Variants in GALNT16 observed in about 807,000 individuals in gnomAD.
GALNT16 encodes polypeptide N-acetylgalactosaminyltransferase 16.
Under a neutral mutation model 76.1 loss-of-function variants are expected in GALNT16, and 40 were observed. The ratio of observed to expected loss-of-function variants is 0.53; its 90% CI spans 0.41 to 0.68. GALNT16 has a LOEUF of 0.68. Among genes scored for constraint, GALNT16 ranks in the 30% least tolerant of loss-of-function variants. The pLI is 0.00. For synonymous variants in GALNT16, 276 were observed against 285.2 expected (o/e 0.97, Z 0.32); for missense variants, 621 against 731.9 (o/e 0.85, Z 1.75).
chr14:69,351,870 C>G, intron 14 of GALNT16, 161 bp from the exon 15 acceptor site: 1 of 633,110 alleles, frequency 1.6e-6, no homozygotes, highest in South Asian at 2.1e-5. Flanking sequence ...TGTGGTAGCA[C>G]CACTGTAAGA....
chr14:69,344,310 T>G (rs1233082028), intron 12 of GALNT16, among the ~76,000 whole-genome samples: 31 of 152,252 alleles, frequency 2.0e-4, no homozygotes, highest in Admixed American at 2.0e-3. Context: ...ACACCATGTT[T>G]GTGAGGGTGC....
At chr14:69,379,965 A>G in the GALNT16 span, among the ~76,000 whole-genome samples, 1 of 124,248 alleles carries the variant, frequency 8.0e-6, no homozygotes, top group Non-Finnish European at 1.7e-5. Context: ...AAAGTGAGGT[A>G]AAAGTGTTAT....
chr14:69,304,073 G>T (rs1404521392), intron 1 of GALNT16, among the ~76,000 whole-genome samples: 1 of 151,992 alleles, frequency 6.6e-6, no homozygotes, highest in East Asian at 1.9e-4. Flanking sequence ...TGGGGGTGGG[G>T]GTGAGGGATC....
intron 1 of GALNT16, among the ~76,000 whole-genome samples, chr14:69,318,857 TGG>T (rs1474917511): frequency 1.3e-5 from 2 of 152,164 alleles, no homozygotes; most frequent in Non-Finnish European, 2.9e-5. Context: ...CTCTCCCAGG[TGG>T]GAAGGACAAA....
At chr14:69,280,310 G>A (rs2044523573) in intron 1 of GALNT16, among the ~76,000 whole-genome samples, 2 of 152,276 alleles carry the variant, frequency 1.3e-5, no homozygotes, top group South Asian at 2.1e-4. Context: ...CTTTTGTGAT[G>A]GCTCATTTCA....
the GALNT16 span, among the ~76,000 whole-genome samples, chr14:69,367,859 G>A: frequency 1.3e-5 from 2 of 152,044 alleles, no homozygotes; most frequent in African/African-American, 4.8e-5. Flanking sequence ...CAGGCATGGT[G>A]CTGCACAGCT....
intron 1 of GALNT16, among the ~76,000 whole-genome samples, chr14:69,263,895 A>C (rs2044307624): frequency 6.6e-6 from 1 of 152,226 alleles, no homozygotes; most frequent in Non-Finnish European, 1.5e-5. Flanking sequence ...GCTGTACCCG[A>C]TGCAGCGAGG....
Position 69,351,965 on chromosome 14 carries a change from TACA to T in GALNT16, c.1540-62_1540-60del, listed in dbSNP as rs555828674. The T allele has an allele frequency of 3.2e-4, 471 of 1,460,836 alleles. 2 individuals carry two copies. In the African/African-American group the frequency reaches 5.9e-3, roughly 18 times the overall value. The allele number at this position is 1,460,836 out of a possible 1,614,324, so 90.5% of individuals were successfully genotyped here. On this transcript the variant is annotated intron_variant, in intron 14 of 14. Coordinates refer to ENST00000448469, the MANE Select transcript of GALNT16 (RefSeq NM_001168368.2). Reference sequence around the variant, plus strand: ...TGTGTGCATACATGTGGAATGAAAGTACAACATTATTTTTTTAAATCATTGTTT... The same window carrying T: ...TGTGTGCATACATGTGGAATGAAAGTACATTATTTTTTTAAATCATTGTTT...
intron 1 of GALNT16, among the ~76,000 whole-genome samples, chr14:69,306,603 C>A (rs139415969): frequency 8.5e-5 from 13 of 152,210 alleles, no homozygotes; most frequent in African/African-American, 3.1e-4. Flanking sequence ...TCTTACAAAA[C>A]CATCATGAAC....
chr14:69,320,721 C>T lies in GALNT16; in HGVS notation c.188C>T (p.Thr63Ile). 1 of 1,613,768 alleles carries T rather than the reference C, an allele frequency of 6.2e-7. No homozygotes were observed. Among genetic ancestry groups the T allele is most frequent in the Middle Eastern group, 1.7e-4 (1 of 6,052 alleles). Reference sequence around the variant, plus strand: ...TGACCTTCATCTCAGGTGACAGGAACTCCCTCGAAAGGCTTTGATGAGAAG... The same window carrying T: ...TGACCTTCATCTCAGGTGACAGGAATTCCCTCGAAAGGCTTTGATGAGAAG... ...DRTIPLIVTG[T>I]PSKGFDEKAY... Residue 63 changes from threonine (T) to isoleucine (I), a missense_variant, in exon 2 of 15, where the codon ACT becomes ATT. By Grantham distance (89) the Thr-to-Ile change is moderately conservative. Transcript: ENST00000448469.
the GALNT16 span, among the ~76,000 whole-genome samples, chr14:69,384,992 A>G: frequency 2.0e-5 from 3 of 152,116 alleles, no homozygotes; most frequent in Non-Finnish European, 4.4e-5. Context: ...CAAGCATGTC[A>G]TTCTCTGATC....
the GALNT16 span, among the ~76,000 whole-genome samples, chr14:69,374,437 T>G: frequency 7.2e-5 from 11 of 152,228 alleles, no homozygotes; most frequent in African/African-American, 2.4e-4. Context: ...TCTATCACTA[T>G]TTACTGTTCA....
chr14:69,338,849 A>ATCAC (rs1269907398), intron 10 of GALNT16, 72 bp downstream of exon 10: 54 of 1,297,232 alleles, frequency 4.2e-5, no homozygotes, highest in Non-Finnish European at 5.6e-5. Context: ...CTTGCCAGTT[A>ATCAC]TCACTATGTG....
intron 14 of GALNT16, 174 bp from the exon 15 acceptor site, chr14:69,351,857 A>G: frequency 5.2e-6 from 3 of 580,734 alleles, no homozygotes; most frequent in Non-Finnish European, 8.9e-6. Context: ...GGCTGCAGTG[A>G]GCTGTGGTAG....
At chr14:69,280,901 T>G (rs1301760285) in intron 1 of GALNT16, among the ~76,000 whole-genome samples, 1 of 152,044 alleles carries the variant, frequency 6.6e-6, no homozygotes, top group Non-Finnish European at 1.5e-5. Flanking sequence ...TTCCTCCCCT[T>G]GGGGAAGAAG....
chr14:69,361,249 T>G (rs1324956361), downstream of GALNT16, among the ~76,000 whole-genome samples: 1 of 152,234 alleles, frequency 6.6e-6, no homozygotes, highest in Non-Finnish European at 1.5e-5. Flanking sequence ...CATTTATAAC[T>G]GGTCCTGTCA....
At chr14:69,336,610 C>G (rs947681527) in intron 9 of GALNT16, among the ~76,000 whole-genome samples, 1 of 152,240 alleles carries the variant, frequency 6.6e-6, no homozygotes. Context: ...TAGTCCTCCC[C>G]CACCACCATC....
Position 69,325,412 on chromosome 14 carries a change from G to A in GALNT16, c.502+8G>A. ...ATGACTTCAGCTCAGATCGTGAGTAGTCACCTTCCTTTTTGCAGCCCTCCA... is the reference window on the plus strand; with the variant it reads ...ATGACTTCAGCTCAGATCGTGAGTAATCACCTTCCTTTTTGCAGCCCTCCA... On this transcript the variant is annotated splice_region_variant and intron_variant, in intron 4 of 14. Transcript: ENST00000448469. 1 of 1,535,726 alleles carries A rather than the reference G, an allele frequency of 6.5e-7. No homozygotes were observed. The highest frequency in any genetic ancestry group is 9.0e-7 in the Non-Finnish European group (1 of 1,108,408).
intron 1 of GALNT16, among the ~76,000 whole-genome samples, chr14:69,271,190 T>A (rs2044403005): frequency 6.6e-6 from 1 of 152,100 alleles, no homozygotes; most frequent in Admixed American, 6.5e-5. Flanking sequence ...AGTTGTTTTT[T>A]GTATAGCAGA....
Sources: allele counts gnomAD v4.1 joint callset (sites outside exome capture counted in the v4.1 genomes callset), GRCh38; gene constraint gnomAD v4.1.1; transcripts MANE v1.5; gene names NCBI Gene and HGNC (gene_info 2026-07-23, HGNC 2026-07-21).